Variants in CYP4B1 observed in about 807,000 individuals in gnomAD.
CYP4B1 encodes cytochrome P450 family 4 subfamily B member 1.
Under a neutral mutation model 54.0 loss-of-function variants are expected in CYP4B1, and 45 were observed. That is an observed-to-expected ratio of 0.83 (90% confidence interval 0.66 to 1.07). The LOEUF is 1.07. Ranked by LOEUF, CYP4B1 falls within the 50% of genes least tolerant of loss-of-function variation. The pLI is 0.00. For missense variants in CYP4B1, 656 were observed against 655.4 expected (o/e 1.00, Z -0.01); for synonymous variants, 248 against 247.5 (o/e 1.00, Z -0.02).
At chr1:46,803,139 G>A (rs909639537) in intron 1 of CYP4B1, among the ~76,000 whole-genome samples, 4 of 152,184 alleles carry the variant, frequency 2.6e-5, no homozygotes, top group African/African-American at 9.7e-5. Flanking sequence ...GGACGATGGG[G>A]AATGATGGAA....
chr1:46,800,298 C>CTTCCTTCCTTCCTTCCTTCTTTCT (rs1553130205), intron 1 of CYP4B1, among the ~76,000 whole-genome samples: 1 of 87,926 alleles, frequency 1.1e-5, no homozygotes, highest in African/African-American at 4.9e-5. Flanking sequence ...TCCTTCCTTC[C>CTTCCTTCCTTCCTTCCTTCTTTCT]TTCTTTCCTT....
At chr1:46,818,354 C>T in intron 11 of CYP4B1, 141 bp downstream of exon 11, 2 of 826,770 alleles carry the variant, frequency 2.4e-6, no homozygotes, top group South Asian at 3.3e-5. Flanking sequence ...CAGGAGGCTT[C>T]TTCTTGCAAT....
chr1:46,815,385 G>A lies in CYP4B1; in HGVS notation c.1073+121G>A, dbSNP rs913450475. The A allele has an allele frequency of 3.4e-6, 3 of 888,152 alleles. No individual in the cohort carries two copies. In the African/African-American group the frequency reaches 5.2e-5, roughly 15 times the overall value. The allele number at this position is 888,152 out of a possible 1,614,324, so 55.0% of individuals were successfully genotyped here. A position where few individuals can be genotyped will look rare whatever the true frequency, so the allele number is the denominator to read the frequency against. On this transcript the variant is annotated intron_variant, in intron 8 of 11. Coordinates refer to ENST00000371923, the MANE Select transcript of CYP4B1 (RefSeq NM_001099772.2). ...CGGCTGCTATCCTGTTACCCCCAGT[G>A]TCATACCTTTTGTGGTGGTGGGGGG...
chr1:46,813,876 C>T (rs763795819), intron 5 of CYP4B1, 33 bp from the exon 6 acceptor site: 1 of 1,609,160 alleles, frequency 6.2e-7, no homozygotes, highest in Admixed American at 1.7e-5. Flanking sequence ...GGGCCAGTGT[C>T]TAAGCCAATC....
chr1:46,804,542 G>A (rs942104897), intron 1 of CYP4B1, among the ~76,000 whole-genome samples: 8 of 151,950 alleles, frequency 5.3e-5, no homozygotes, highest in African/African-American at 4.8e-5. Context: ...GCTGATTGAT[G>A]GGTGAGGTGC....
rs775987211 is a variant in CYP4B1 at position 46,815,157 on chromosome 1, C to T, written c.966C>T (p.Thr322=). Residue 322 remains threonine (T), a synonymous_variant, in exon 8 of 12, where the codon ACC becomes ACT. Transcript: ENST00000371923. ...TFMFEGHDTT[T]SGISWFLYCM... ...TGTTTGAAGGCCATGACACCACCAC[C>T]AGTGGTATCTCCTGGTTTCTCTACT... is the stretch of plus-strand genomic sequence containing the variant. 1 of 1,613,830 alleles carries T rather than the reference C, an allele frequency of 6.2e-7. No homozygotes were observed. Among genetic ancestry groups the T allele is most frequent in the South Asian group, 1.1e-5 (1 of 91,064 alleles).
intron 11 of CYP4B1, 58 bp from the exon 12 acceptor site, chr1:46,818,571 CTG>C: frequency 6.5e-7 from 1 of 1,538,740 alleles, no homozygotes; most frequent in Non-Finnish European, 9.0e-7. Context: ...GCTAAGAGCA[CTG>C]AATGTCATCA....
chr1:46,813,784 C>CT, intron 5 of CYP4B1, 125 bp from the exon 6 acceptor site: 2 of 1,442,314 alleles, frequency 1.4e-6, no homozygotes, highest in Non-Finnish European at 1.9e-6. Context: ...AGCAAGGAGG[C>CT]TTAAGGGCAG....
intron 1 of CYP4B1, among the ~76,000 whole-genome samples, chr1:46,804,011 T>A (rs1678761297): frequency 6.6e-6 from 1 of 152,142 alleles, no homozygotes; most frequent in Non-Finnish European, 1.5e-5. Flanking sequence ...TTGATTATGA[T>A]TCTGGACCTC....
At chr1:46,817,917 C>A in intron 9 of CYP4B1, 48 bp from the exon 10 acceptor site, 1 of 1,571,362 alleles carries the variant, frequency 6.4e-7, no homozygotes, top group Non-Finnish European at 8.8e-7. Flanking sequence ...TGGAGGTAGG[C>A]CTGGCTACCC....
At chr1:46,816,212 T>A (rs1424805611) in intron 8 of CYP4B1, among the ~76,000 whole-genome samples, 2 of 152,074 alleles carry the variant, frequency 1.3e-5, no homozygotes, top group African/African-American at 2.4e-5. Flanking sequence ...CAAATTCACA[T>A]AATCAAACAG....
chr1:46,799,296 AAC>A (rs1216121157), intron 1 of CYP4B1, 35 bp downstream of exon 1: 1 of 1,541,388 alleles, frequency 6.5e-7, no homozygotes, highest in Non-Finnish European at 8.8e-7. Flanking sequence ...GGAGAAAGAA[AAC>A]ATCCTCCCTC....
At chr1:46,802,484 T>C (rs949846402) in intron 1 of CYP4B1, among the ~76,000 whole-genome samples, 1 of 152,188 alleles carries the variant, frequency 6.6e-6, no homozygotes, top group Non-Finnish European at 1.5e-5. Context: ...AGAGATAAAG[T>C]ATAGGTATTT....
intron 3 of CYP4B1, chr1:46,812,078 G>A (rs139675113): frequency 9.0e-6 from 4 of 442,744 alleles, no homozygotes; most frequent in African/African-American, 6.0e-5. Context: ...CATGAAGCAC[G>A]AACACGGTGG....
intron 1 of CYP4B1, among the ~76,000 whole-genome samples, chr1:46,808,530 A>G (rs1345511530): frequency 6.6e-6 from 1 of 151,640 alleles, no homozygotes; most frequent in Non-Finnish European, 1.5e-5. Flanking sequence ...AGTTCATTGT[A>G]GATTCTGGAT....
At chr1:46,804,834 C>G (rs546593292) in intron 1 of CYP4B1, among the ~76,000 whole-genome samples, 7 of 152,300 alleles carry the variant, frequency 4.6e-5, no homozygotes, top group African/African-American at 1.7e-4. Context: ...TTCCAGAAGG[C>G]ATTTCTGCTG....
At chr1:46,811,568 G>A (rs1340117658) in intron 3 of CYP4B1, among the ~76,000 whole-genome samples, 4 of 152,222 alleles carry the variant, frequency 2.6e-5, no homozygotes, top group Admixed American at 6.5e-5. Context: ...GAGGCTGTGA[G>A]GCTGTCGGGG....
At chr1:46,801,251 G>A (rs1311880288) in intron 1 of CYP4B1, among the ~76,000 whole-genome samples, 1 of 152,172 alleles carries the variant, frequency 6.6e-6, no homozygotes, top group Non-Finnish European at 1.5e-5. Context: ...CCAAGGGAAG[G>A]TTGAGGTCTG....
intron 1 of CYP4B1, among the ~76,000 whole-genome samples, chr1:46,803,273 CAGGCCT>C (rs1454188748): frequency 8.5e-5 from 13 of 152,088 alleles, no homozygotes; most frequent in African/African-American, 3.1e-4. Context: ...GGAGGTGATC[CAGGCCT>C]CCACCTTGTG....
Sources: gnomAD v4.1 joint callset for allele counts (sites outside exome capture counted in the v4.1 genomes callset) on GRCh38, gnomAD v4.1.1 for gene constraint, MANE v1.5 for transcripts, NCBI Gene and HGNC (gene_info 2026-07-23, HGNC 2026-07-21) for gene names.